ACTL6A: variants seen among roughly 807,000 people sequenced by gnomAD.
ACTL6A encodes actin-like protein 6A.
In ACTL6A, 5 loss-of-function variants were observed where a neutral mutation model predicts 59.2. The observed-to-expected ratio is 0.08, with a 90% CI of 0.04 to 0.18. The LOEUF is 0.18. ACTL6A is among the 10% of genes least tolerant of loss of function. ACTL6A has a pLI of 1.00. For synonymous variants in ACTL6A, 154 were observed against 171.8 expected (o/e 0.90, Z 0.81); for missense variants, 285 against 526.9 (o/e 0.54, Z 4.49).
chr3:179,581,322 C>G, intron 11 of ACTL6A, 102 bp downstream of exon 11: 1 of 971,288 alleles, frequency 1.0e-6, no homozygotes, highest in East Asian at 2.4e-5. Context: ...TTGTCAGTGT[C>G]ATTGACTTTG....
At chr3:179,582,974 G>A (rs1432133570) in intron 11 of ACTL6A, among the ~76,000 whole-genome samples, 1 of 152,160 alleles carries the variant, frequency 6.6e-6, no homozygotes, top group African/African-American at 2.4e-5. Flanking sequence ...AGCTACTTGG[G>A]AGCCTGAGGC....
chr3:179,574,648 A>G (rs1718111958), intron 5 of ACTL6A, 181 bp downstream of exon 5: 1 of 549,598 alleles, frequency 1.8e-6, no homozygotes, highest in African/African-American at 1.9e-5. Flanking sequence ...ATACACCAGA[A>G]GGTATGAGGG....
intron 12 of ACTL6A, 77 bp from the exon 13 acceptor site, chr3:179,586,465 TTGAA>T: frequency 2.1e-6 from 2 of 937,768 alleles, no homozygotes; most frequent in African/African-American, 1.8e-5. Context: ...CTGTCTCTAT[TTGAA>T]AAAAAAAAAA....
intron 12 of ACTL6A, chr3:179,583,729 A>G (rs935562637): frequency 1.7e-5 from 4 of 238,200 alleles, no homozygotes; most frequent in Admixed American, 1.6e-4. Flanking sequence ...ATGGTTAGAC[A>G]TGCAGAAAAT....
rs1718565236 is a variant in ACTL6A at position 179,588,044 on chromosome 3, C to T, written c.*34C>T. 1 of 1,502,178 alleles carries T rather than the reference C, an allele frequency of 6.7e-7. No individual in the cohort carries two copies. Among genetic ancestry groups the T allele is most frequent in the Admixed American group, 2.1e-5 (1 of 48,240 alleles). 93.1% of individuals were successfully genotyped at this position (1,502,178 alleles called of 1,614,324 possible). A position where few individuals can be genotyped will look rare whatever the true frequency, so the allele number is the denominator to read the frequency against. Reference sequence around the variant, plus strand: ...TCCCAAGCTTCTACCTTCCTTTTGTCACCTTACGTTTCATAGCTTTAGTAT... The same window carrying T: ...TCCCAAGCTTCTACCTTCCTTTTGTTACCTTACGTTTCATAGCTTTAGTAT... On this transcript the variant is annotated 3_prime_UTR_variant, in exon 14 of 14. Transcript: ENST00000429709.
At chr3:179,576,139 AT>A in intron 5 of ACTL6A, 77 bp from the exon 6 acceptor site, 1 of 1,022,366 alleles carries the variant, frequency 9.8e-7, no homozygotes, top group South Asian at 1.3e-5. Flanking sequence ...TTTCTGAAAC[AT>A]TATAAGAGCC....
intron 13 of ACTL6A, among the ~76,000 whole-genome samples, chr3:179,587,636 G>A (rs914715018): frequency 3.8e-4 from 58 of 152,190 alleles, no homozygotes; most frequent in African/African-American, 1.3e-3. Flanking sequence ...CACTTTGGGA[G>A]GCTGAGGCAG....
At chr3:179,576,531 G>A (rs1718170500) in intron 6 of ACTL6A, 89 bp from the exon 7 acceptor site, 1 of 1,043,526 alleles carries the variant, frequency 9.6e-7, no homozygotes, top group Admixed American at 2.1e-5. Context: ...ACCTGAAAAA[G>A]TTATTCACAT....
At chr3:179,575,630 A>G (rs1403693687) in intron 5 of ACTL6A, 1 of 358,868 alleles carries the variant, frequency 2.8e-6, no homozygotes, top group Non-Finnish European at 5.4e-6. Context: ...TCAGTTTAGT[A>G]TATTCAGGTA....
At chr3:179,583,622 G>T in intron 12 of ACTL6A, 174 bp downstream of exon 12, 1 of 493,388 alleles carries the variant, frequency 2.0e-6, no homozygotes, top group Non-Finnish European at 3.6e-6. Context: ...ACATCTATTA[G>T]TTTCTCTTAA....
At chr3:179,572,698 G>C (rs985480182) in intron 3 of ACTL6A, among the ~76,000 whole-genome samples, 1 of 152,052 alleles carries the variant, frequency 6.6e-6, no homozygotes, top group Non-Finnish European at 1.5e-5. Context: ...CCAGCTACTC[G>C]GGAGCCTGAG....
intron 8 of ACTL6A, 58 bp from the exon 9 acceptor site, chr3:179,580,582 G>A (rs1294951307): frequency 1.7e-6 from 2 of 1,196,440 alleles, no homozygotes; most frequent in Admixed American, 4.6e-5. Flanking sequence ...TGTTATAAAA[G>A]TATAGATTAC....
At position 179,576,720 on chromosome 3, in the gene ACTL6A, A is replaced by C; in HGVS notation, c.672A>C (p.Ala224=). The C allele has an allele frequency of 1.2e-6, 2 of 1,612,446 alleles. No individual in the cohort carries two copies. Among genetic ancestry groups the C allele is most frequent in the Non-Finnish European group, 1.7e-6 (2 of 1,178,528 alleles). The part of the protein sequence containing the change: ...NIELVPPYMI[A]SKEAVREGSP... The stretch of plus-strand genomic sequence containing the variant: ...AATTGGTTCCTCCATATATGATTGC[A>C]TCAAAAGTAAGTAATTATTGAATTT... The change falls in exon 7 of 14, where the codon GCA becomes GCC. Residue 224 remains alanine, a synonymous_variant. Coordinates refer to ENST00000429709, the MANE Select transcript of ACTL6A (RefSeq NM_004301.5).
intron 1 of ACTL6A, among the ~76,000 whole-genome samples, chr3:179,566,186 T>C (rs1717829032): frequency 6.6e-6 from 1 of 152,146 alleles, no homozygotes; most frequent in South Asian, 2.1e-4. Flanking sequence ...TGCAATTATG[T>C]TGATGTACAG....
intron 3 of ACTL6A, among the ~76,000 whole-genome samples, chr3:179,571,472 C>T (rs73048721): frequency 0.019 from 2,876 of 151,372 alleles, 70 homozygotes; most frequent in African/African-American, 0.057. Context: ...GCCAAAATCA[C>T]TCTCAGGTTC....
chr3:179,581,003 G>A lies in ACTL6A; in HGVS notation c.940G>A (p.Val314Ile), dbSNP rs1236672039. 6.3e-7 allele frequency: 1 copy of A among 1,592,674 alleles called. No individual in the cohort carries two copies. The highest frequency in any genetic ancestry group is 8.5e-7 in the Non-Finnish European group (1 of 1,174,520). ...IPEGLFDPSN[V>I]KGLSGNTMLG... is the part of the protein sequence containing the mutation. ...AGAAGGATTATTTGACCCTTCCAATGTAAAGGTATAAAAGCTTATTTCATA... is the reference window on the plus strand; with the variant it reads ...AGAAGGATTATTTGACCCTTCCAATATAAAGGTATAAAAGCTTATTTCATA... The change falls in exon 10 of 14, where the codon GTA (valine) becomes ATA (isoleucine). Residue 314 changes from valine to isoleucine, a missense_variant. Physicochemically the swap from Val to Ile is conservative, Grantham distance 29. Transcript: ENST00000429709.
intron 12 of ACTL6A, chr3:179,584,135 G>C (rs556393195): frequency 6.6e-6 from 1 of 152,296 alleles, no homozygotes; most frequent in African/African-American, 2.4e-5. Context: ...TGTCAGTGGA[G>C]CTATGCTGAA....
intron 1 of ACTL6A, 86 bp downstream of exon 1, chr3:179,563,203 G>A (rs1469617393): frequency 2.0e-6 from 3 of 1,518,540 alleles, no homozygotes; most frequent in Non-Finnish European, 2.7e-6. Flanking sequence ...CCTCCCCGGC[G>A]TTCCCTTCCG....
intron 3 of ACTL6A, among the ~76,000 whole-genome samples, chr3:179,572,982 C>CTTTTTTTT (rs71628083): frequency 7.2e-6 from 1 of 138,830 alleles, no homozygotes. Context: ...ACAATTCTTT[C>CTTTTTTTT]TTTTTTTTTT....
Sources: allele counts gnomAD v4.1 joint callset (sites outside exome capture counted in the v4.1 genomes callset), GRCh38; gene constraint gnomAD v4.1.1; transcripts MANE v1.5; gene names NCBI Gene and HGNC (gene_info 2026-07-23, HGNC 2026-07-21).